Variants in SLC71A1 observed in about 807,000 individuals in gnomAD.
SLC71A1 encodes the protein hippocampus abundant gene transcript 1.
At chr1:100,049,195 TA>T in the SLC71A1 span, among the ~76,000 whole-genome samples, 1 of 152,248 alleles carries the variant, frequency 6.6e-6, no homozygotes, top group African/African-American at 2.4e-5. Flanking sequence ...GGTATAAACT[TA>T]ATTTTGTATT....
the SLC71A1 span, among the ~76,000 whole-genome samples, chr1:100,050,218 T>C: frequency 2.0e-5 from 3 of 152,102 alleles, no homozygotes; most frequent in African/African-American, 7.2e-5. Context: ...GAATTTGGAC[T>C]TGTCACTGGG....
chr1:100,058,402 A>G, the SLC71A1 span, among the ~76,000 whole-genome samples: 1 of 152,232 alleles, frequency 6.6e-6, no homozygotes, highest in Non-Finnish European at 1.5e-5. Flanking sequence ...CAAGATGTTT[A>G]ACCTCTGCAT....
At chr1:100,045,481 C>T in the SLC71A1 span, among the ~76,000 whole-genome samples, 244 of 152,082 alleles carry the variant, frequency 1.6e-3, no homozygotes, top group African/African-American at 5.8e-3. Flanking sequence ...TTTGCATGCT[C>T]GTTATTCCTT....
the SLC71A1 span, among the ~76,000 whole-genome samples, chr1:100,043,962 A>G: frequency 6.6e-6 from 1 of 152,232 alleles, no homozygotes; most frequent in Non-Finnish European, 1.5e-5. Context: ...GTCATTGGGC[A>G]CTTGGGTTGG....
chr1:100,068,560 T>G, the SLC71A1 span: 1 of 1,611,874 alleles, frequency 6.2e-7, no homozygotes. Context: ...AGGCCAATAT[T>G]CCAGCTTTTT....
the SLC71A1 span, chr1:100,049,790 G>C: frequency 1.7e-6 from 1 of 584,718 alleles, no homozygotes; most frequent in Non-Finnish European, 3.0e-6. Flanking sequence ...GTTTGACACA[G>C]TGCCCAGTAC....
chr1:100,062,077 ATCAT>A, the SLC71A1 span: 23 of 606,478 alleles, frequency 3.8e-5, no homozygotes, highest in African/African-American at 3.6e-4. Context: ...TTGTAATAAA[ATCAT>A]TCATTAGACT....
the SLC71A1 span, among the ~76,000 whole-genome samples, chr1:100,042,613 T>G: frequency 2.9e-3 from 444 of 152,054 alleles, 3 homozygotes; most frequent in African/African-American, 0.01. Flanking sequence ...TCTTTCTTTT[T>G]TTTTTTCTTT....
the SLC71A1 span, chr1:100,080,097 GT>G: frequency 6.4e-6 from 1 of 155,300 alleles, no homozygotes; most frequent in Non-Finnish European, 1.4e-5. Flanking sequence ...ACTCCCGCCA[GT>G]TGACCCCCCC....
At chr1:100,068,742 G>A in the SLC71A1 span, among the ~76,000 whole-genome samples, 3 of 152,302 alleles carry the variant, frequency 2.0e-5, no homozygotes, top group Admixed American at 2.0e-4. Context: ...CAGCACTTTG[G>A]TAGGCCAAGG....
At chr1:100,074,015 C>T in the SLC71A1 span, among the ~76,000 whole-genome samples, 1 of 152,114 alleles carries the variant, frequency 6.6e-6, no homozygotes, top group Admixed American at 6.5e-5. Flanking sequence ...TAAGAACTTA[C>T]TGGGTGCTGG....
At chr1:100,064,551 C>T in the SLC71A1 span, among the ~76,000 whole-genome samples, 2 of 152,140 alleles carry the variant, frequency 1.3e-5, no homozygotes, top group African/African-American at 4.8e-5. Context: ...CACCTGTGAC[C>T]CCAAGCAACC....
At chr1:100,072,900 G>A in the SLC71A1 span, among the ~76,000 whole-genome samples, 3 of 152,062 alleles carry the variant, frequency 2.0e-5, no homozygotes, top group Non-Finnish European at 4.4e-5. Context: ...AGCCCTCTCT[G>A]TGGGGGTGAC....
the SLC71A1 span, among the ~76,000 whole-genome samples, chr1:100,075,078 G>A: frequency 6.6e-6 from 1 of 152,186 alleles, no homozygotes. Flanking sequence ...GAAGGGCTAT[G>A]AGATGACCGC....
chr1:100,053,181 T>C, the SLC71A1 span, among the ~76,000 whole-genome samples: 52 of 152,254 alleles, frequency 3.4e-4, no homozygotes, highest in Non-Finnish European at 6.3e-4. Flanking sequence ...TTTAAAAAGG[T>C]TTTACTCATT....
At chr1:100,068,995 A>G in the SLC71A1 span, among the ~76,000 whole-genome samples, 5 of 152,190 alleles carry the variant, frequency 3.3e-5, no homozygotes, top group African/African-American at 1.2e-4. Context: ...AATTAAATAA[A>G]TAAATAAATA....
the SLC71A1 span, among the ~76,000 whole-genome samples, chr1:100,048,899 G>C: frequency 6.6e-6 from 1 of 152,200 alleles, no homozygotes; most frequent in South Asian, 2.1e-4. Context: ...GGGAAGTGCT[G>C]GGAAGCCACC....
chr1:100,050,086 C>A, the SLC71A1 span: 1 of 745,614 alleles, frequency 1.3e-6, no homozygotes, highest in South Asian at 1.6e-5. Context: ...GGCCTTTTCC[C>A]TTTGCACGGT....
the SLC71A1 span, chr1:100,067,945 ACTAATCT>A: frequency 1.9e-6 from 3 of 1,583,400 alleles, no homozygotes; most frequent in Non-Finnish European, 2.6e-6. Flanking sequence ...AAGTAGCCTG[ACTAATCT>A]CTGTCTATCC....
Sources: gnomAD v4.1 joint callset for allele counts (sites outside exome capture counted in the v4.1 genomes callset) on GRCh38, gnomAD v4.1.1 for gene constraint, MANE v1.5 for transcripts, NCBI Gene and HGNC (gene_info 2026-07-23, HGNC 2026-07-21) for gene names.